The following STK32B variants were observed in gnomAD, a reference collection of about 807,000 sequenced individuals.
STK32B encodes serine/threonine-protein kinase 32B.
STK32B carries 43 observed loss-of-function variants against 52.6 expected under a neutral mutation model. That is an observed-to-expected ratio of 0.82 (90% confidence interval 0.64 to 1.05). The LOEUF is 1.05. Ranked by LOEUF, STK32B falls within the 50% of genes least tolerant of loss-of-function variation. STK32B has a pLI of 0.00. For missense variants in STK32B, 621 were observed against 534.6 expected (o/e 1.16, Z -1.59); for synonymous variants, 238 against 204.3 (o/e 1.17, Z -1.41).
intron 7 of STK32B, among the ~76,000 whole-genome samples, chr4:5,455,722 T>A (rs1716445454): frequency 6.6e-6 from 1 of 152,162 alleles, no homozygotes; most frequent in Non-Finnish European, 1.5e-5. Context: ...CGCCATGCTC[T>A]GGGACCCTGC....
rs1362812316 is a variant in STK32B, at chr4:5,460,994, G to A, written c.909+766G>A. Among the ~76,000 whole-genome samples, 19 of 152,168 alleles carry A rather than the reference G, an allele frequency of 1.2e-4. No homozygotes were observed. The highest frequency in any genetic ancestry group is 1.5e-5 in the Non-Finnish European group (1 of 68,028). ...AAGGAGGGTTCTGGCAGGAGCTGGA[G>A]GCTCCTGGGTCCTCCAGGACAGACG... is the stretch of plus-strand genomic sequence containing the variant. On this transcript the variant is annotated intron_variant, in intron 9 of 11. Coordinates refer to ENST00000282908, the MANE Select transcript of STK32B (RefSeq NM_018401.3). The surrounding 1 kb of genome is among the most constrained non-coding windows in gnomAD (Gnocchi z 4.8).
Position 5,499,101 on chromosome 4 carries a change from C to A in STK32B, c.*18C>A. ...GCAGCTGAGCCCACACTTGTTGCTG[C>A]TCAACAGGACTGCACTCGTCTCTGC... is the stretch of plus-strand genomic sequence containing the variant. On this transcript the variant is annotated 3_prime_UTR_variant, in exon 12 of 12. Transcript: ENST00000282908. 6.2e-7 allele frequency: 1 copy of A among 1,602,576 alleles called. No homozygotes were observed. The highest frequency in any genetic ancestry group is 8.5e-7 in the Non-Finnish European group (1 of 1,173,792).
intron 3 of STK32B, among the ~76,000 whole-genome samples, chr4:5,172,645 C>T: frequency 6.6e-6 from 1 of 152,132 alleles, no homozygotes; most frequent in Non-Finnish European, 1.5e-5. Context: ...AGCCTTGCAT[C>T]CCAGGGATGA....
intron 3 of STK32B, among the ~76,000 whole-genome samples, chr4:5,244,837 C>CA (rs1053956874): frequency 6.6e-6 from 1 of 152,124 alleles, no homozygotes; most frequent in African/African-American, 2.4e-5. Flanking sequence ...ATTATGTACC[C>CA]AGTAGTCATT....
chr4:5,349,181 C>T (rs750564879), intron 4 of STK32B, among the ~76,000 whole-genome samples: 1 of 152,162 alleles, frequency 6.6e-6, no homozygotes, highest in African/African-American at 2.4e-5. Context: ...AAGAGCTGGC[C>T]TGCCTGGAAC....
At chr4:5,332,624 C>A (rs1347712553) in intron 4 of STK32B, among the ~76,000 whole-genome samples, 1 of 152,072 alleles carries the variant, frequency 6.6e-6, no homozygotes, top group Non-Finnish European at 1.5e-5. Context: ...TTAGATATAT[C>A]TCCTAATGCT....
chr4:5,113,139 G>A (rs926559595), intron 1 of STK32B, among the ~76,000 whole-genome samples: 4 of 152,106 alleles, frequency 2.6e-5, no homozygotes, highest in African/African-American at 9.7e-5. Context: ...GGAGGTGGGG[G>A]CCTTTGAGAG....
chr4:5,088,616 G>A (rs1712873146), intron 1 of STK32B, among the ~76,000 whole-genome samples: 1 of 151,750 alleles, frequency 6.6e-6, no homozygotes, highest in African/African-American at 2.4e-5. Flanking sequence ...TAGTATAATT[G>A]GATTGTTTGT....
intron 6 of STK32B, among the ~76,000 whole-genome samples, chr4:5,443,655 C>T (rs1211761459): frequency 1.3e-5 from 2 of 152,164 alleles, no homozygotes; most frequent in Non-Finnish European, 2.9e-5. Flanking sequence ...GAACTGCATT[C>T]CTTTGGAGGA....
chr4:5,020,817 A>G, the STK32B span, among the ~76,000 whole-genome samples: 3 of 152,210 alleles, frequency 2.0e-5, no homozygotes, highest in Non-Finnish European at 4.4e-5. Flanking sequence ...TGGGAACGCT[A>G]TGACCCTCAC....
chr4:5,497,595 G>C (rs76334820), intron 11 of STK32B, among the ~76,000 whole-genome samples: 2,925 of 152,316 alleles, frequency 0.019, 100 homozygotes, highest in African/African-American at 0.066. Flanking sequence ...TTGGGGGAAG[G>C]AATGACCAAT....
chr4:5,269,677 TG>T lies in STK32B; in HGVS notation c.261-61542del, dbSNP rs528893348. ...TTCTAGAGATCAAAACTGCAATATT[TG>T]TGCTGAAAAATACACTGTATAGAAT... On this transcript the variant is annotated intron_variant, in intron 3 of 11. Coordinates refer to ENST00000282908, the MANE Select transcript of STK32B (RefSeq NM_018401.3). 3.4e-3 allele frequency among the ~76,000 whole-genome samples: 516 copies of T among 152,300 alleles called. 4 individuals carry two copies. The highest frequency in any genetic ancestry group is 5.6e-3 in the Non-Finnish European group (380 of 68,024).
intron 7 of STK32B, among the ~76,000 whole-genome samples, chr4:5,455,932 C>T (rs575725250): frequency 2.0e-5 from 3 of 152,288 alleles, no homozygotes; most frequent in South Asian, 4.2e-4. Flanking sequence ...TACCACCACA[C>T]GTGCCAGGGA....
intron 3 of STK32B, among the ~76,000 whole-genome samples, chr4:5,235,486 T>A (rs1724560757): frequency 6.6e-6 from 1 of 152,180 alleles, no homozygotes; most frequent in South Asian, 2.1e-4. Context: ...GCACTTAGAC[T>A]AGTACAAGGT....
intron 7 of STK32B, among the ~76,000 whole-genome samples, chr4:5,447,803 G>A (rs1407158952): frequency 1.3e-5 from 2 of 152,216 alleles, no homozygotes; most frequent in African/African-American, 4.8e-5. Flanking sequence ...TGGAGTTTTA[G>A]GATTCCTGTG....
intron 3 of STK32B, among the ~76,000 whole-genome samples, chr4:5,183,072 A>G (rs1362140607): frequency 6.6e-6 from 1 of 152,178 alleles, no homozygotes; most frequent in African/African-American, 2.4e-5. Flanking sequence ...AGATTTAGCA[A>G]AATTCTTAAG....
At chr4:5,443,382 C>G (rs1714989326) in intron 6 of STK32B, among the ~76,000 whole-genome samples, 1 of 151,974 alleles carries the variant, frequency 6.6e-6, no homozygotes, top group Non-Finnish European at 1.5e-5. Flanking sequence ...TACCCTTTTT[C>G]CAGTTGATCG....
At chr4:5,321,147 T>A (rs1731461134) in intron 3 of STK32B, among the ~76,000 whole-genome samples, 1 of 152,130 alleles carries the variant, frequency 6.6e-6, no homozygotes, top group Admixed American at 6.6e-5. Flanking sequence ...TCAGCTTCTC[T>A]GAACATCAGT....
At chr4:5,454,221 C>T (rs1387704199) in intron 7 of STK32B, among the ~76,000 whole-genome samples, 1 of 152,148 alleles carries the variant, frequency 6.6e-6, no homozygotes, top group African/African-American at 2.4e-5. Context: ...GGAGTGAGAG[C>T]TCTGTAGGGC....
Sources: gnomAD v4.1 joint callset for allele counts (sites outside exome capture counted in the v4.1 genomes callset) on GRCh38, gnomAD v4.1.1 for gene constraint, Gnocchi (gnomAD v3.1) non-coding constraint, MANE v1.5 for transcripts, NCBI Gene and HGNC (gene_info 2026-07-23, HGNC 2026-07-21) for gene names.